The following LRRC73 variants were observed in gnomAD, a reference collection of about 807,000 sequenced individuals.
The protein encoded by LRRC73 is leucine-rich repeat-containing protein 73.
A neutral mutation model predicts 26.4 loss-of-function variants in LRRC73; 16 were observed. That is an observed-to-expected ratio of 0.61 (90% CI 0.41 to 0.92). LRRC73 has a LOEUF of 0.92. LRRC73 is among the 40% of genes least tolerant of loss of function. The pLI, the probability that LRRC73 is intolerant of heterozygous loss-of-function variation, is 0.00. For synonymous variants in LRRC73, 210 were observed against 179.8 expected (o/e 1.17, Z -1.34); for missense variants, 344 against 416.3 (o/e 0.83, Z 1.51).
exon 6 of LRRC73, chr6:43,507,251 T>C (rs1792518835): frequency 6.2e-7 from 1 of 1,613,686 alleles, no homozygotes; most frequent in Non-Finnish European, 8.5e-7. Flanking sequence ...CATCTCGGTC[T>C]CAGCCAACAG....
At position 43,509,836 on chromosome 6, in the gene LRRC73, G is replaced by C. The variant is rs1267213196; in HGVS notation, c.-51C>G. On this transcript the variant is annotated 5_prime_UTR_variant, in exon 1 of 6. Coordinates refer to ENST00000372441, the Ensembl canonical transcript of LRRC73. The stretch of plus-strand genomic sequence containing the variant: ...ACGGGGCCGGAACGGAGGTTGGTGG[G>C]GCCGCGGGCGGGGCCGGGGATAGGG... 9.2e-6 allele frequency: 13 copies of C among 1,411,040 alleles called. No homozygotes were observed. The East Asian group carries it at 3.6e-4, about 40-fold the overall frequency. 87.4% of individuals were successfully genotyped at this position (1,411,040 alleles called of 1,614,324 possible). A position where few individuals can be genotyped will look rare whatever the true frequency, so the allele number is the denominator to read the frequency against.
At chr6:43,508,791 A>C in exon 2 of LRRC73, 1 of 1,612,686 alleles carries the variant, frequency 6.2e-7, no homozygotes, top group East Asian at 2.2e-5. Context: ...GCAGGAGGCC[A>C]CAGATGAGGT....
At chr6:43,508,953 G>A in intron 1 of LRRC73, 33 bp from the exon 2 acceptor site, 1 of 1,546,330 alleles carries the variant, frequency 6.5e-7, no homozygotes, top group East Asian at 2.3e-5. Context: ...GGTTACTGCA[G>A]TCCTCCGCAC....
exon 2 of LRRC73, chr6:43,508,864 G>C: frequency 5.0e-6 from 8 of 1,612,756 alleles, no homozygotes; most frequent in Non-Finnish European, 6.8e-6. Context: ...AGGGTGGAGG[G>C]CCAGGGCTGG....
At chr6:43,509,678 G>C in exon 1 of LRRC73, 1 of 1,593,014 alleles carries the variant, frequency 6.3e-7, no homozygotes, top group Non-Finnish European at 8.5e-7. Context: ...GGCGGCAGCC[G>C]CGCAGTGAGA....
intron 3 of LRRC73, 128 bp downstream of exon 3, chr6:43,508,170 T>C: frequency 2.2e-6 from 3 of 1,367,744 alleles, no homozygotes; most frequent in Non-Finnish European, 2.9e-6. Context: ...AGCTATCTCC[T>C]TGACCCCTGG....
intron 2 of LRRC73, 139 bp downstream of exon 2, chr6:43,508,621 C>A: frequency 2.1e-6 from 3 of 1,396,620 alleles, no homozygotes; most frequent in Non-Finnish European, 2.9e-6. Flanking sequence ...TGCTGCCCCC[C>A]GTCCTGCCCC....
At chr6:43,507,885 T>A in exon 4 of LRRC73, 1 of 1,613,944 alleles carries the variant, frequency 6.2e-7, no homozygotes, top group Non-Finnish European at 8.5e-7. Context: ...AGGGTACGAC[T>A]AGAGGCCACA....
intron 2 of LRRC73, 45 bp downstream of exon 2, chr6:43,508,715 C>T (rs1158795141): frequency 6.4e-7 from 1 of 1,551,012 alleles, no homozygotes; most frequent in African/African-American, 1.4e-5. Flanking sequence ...TTTCGATTTT[C>T]ATCACTGCCA....
chr6:43,507,764 C>T, intron 4 of LRRC73, 62 bp downstream of exon 4: 1 of 1,589,662 alleles, frequency 6.3e-7, no homozygotes, highest in Non-Finnish European at 8.6e-7. Context: ...GGTATGTCAT[C>T]AGACACATAA....
exon 1 of LRRC73, chr6:43,509,968 GAAGA>G: frequency 2.4e-6 from 1 of 416,708 alleles, no homozygotes; most frequent in South Asian, 1.0e-4. Flanking sequence ...CGGGGGCGGA[GAAGA>G]GCTACCGGGA....
chr6:43,508,316 G>A lies in LRRC73; in HGVS notation c.538C>T (p.Leu180=), dbSNP rs150335013. ...GCCTCACCCAGGGGGTTGTAATCCA[G>A]ATTGAGGACGCGGACCTGGGAGCTG... The change falls in exon 3 of 6, where the codon CTG becomes TTG. Residue 180 remains leucine, a synonymous_variant. Transcript: ENST00000372441. The A allele has an allele frequency of 1.0e-4, 165 of 1,612,980 alleles. 1 individual carries two copies. The highest frequency in any genetic ancestry group is 1.2e-4 in the Non-Finnish European group (147 of 1,179,598).
intron 1 of LRRC73, 129 bp downstream of exon 1, chr6:43,509,385 C>T: frequency 8.3e-7 from 1 of 1,208,918 alleles, no homozygotes; most frequent in Non-Finnish European, 1.1e-6. Context: ...TGGGCCGAGG[C>T]ACGGTGTATG....
intron 3 of LRRC73, 141 bp downstream of exon 3, chr6:43,508,157 C>T: frequency 7.7e-7 from 1 of 1,306,288 alleles, no homozygotes; most frequent in Non-Finnish European, 1.0e-6. Context: ...TGGTCCGCCA[C>T]AAAGCTATCT....
chr6:43,508,175 C>T (rs1454944991), intron 3 of LRRC73, 123 bp downstream of exon 3: 6 of 1,388,092 alleles, frequency 4.3e-6, no homozygotes, highest in Non-Finnish European at 5.8e-6. Flanking sequence ...TCTCCTTGAC[C>T]CCTGGGGGCT....
chr6:43,509,567 G>A, exon 1 of LRRC73: 1 of 1,609,958 alleles, frequency 6.2e-7, no homozygotes, highest in South Asian at 1.1e-5. Flanking sequence ...GCTGCTTGAT[G>A]CGGCTGGGGC....
chr6:43,510,256 TC>T, exon 1 of LRRC73: 1 of 152,958 alleles, frequency 6.5e-6, no homozygotes, highest in Non-Finnish European at 1.5e-5. Context: ...GCCGCCCGGC[TC>T]CCCCCGACCA....
chr6:43,507,835 C>T, exon 4 of LRRC73: 1 of 1,613,846 alleles, frequency 6.2e-7, no homozygotes, highest in South Asian at 1.1e-5. Context: ...CCTGAGCTGA[C>T]TGGTTGGTGA....
At chr6:43,508,485 C>T in intron 2 of LRRC73, 65 bp from the exon 3 acceptor site, 1 of 1,606,058 alleles carries the variant, frequency 6.2e-7, no homozygotes, top group East Asian at 2.2e-5. Flanking sequence ...CCCTTCCCCA[C>T]AATCCCTGTG....
Sources: gnomAD v4.1 joint callset for allele counts on GRCh38, gnomAD v4.1.1 for gene constraint, MANE v1.5 for transcripts, NCBI Gene and HGNC (gene_info 2026-07-23, HGNC 2026-07-21) for gene names.